The following GATAD2B variants were observed in gnomAD, a reference collection of about 807,000 sequenced individuals.
The protein encoded by GATAD2B is GATA zinc finger domain containing 2B.
GATAD2B carries 8 observed loss-of-function variants against 64.3 expected under a neutral mutation model. The ratio of observed to expected loss-of-function variants is 0.12; its 90% CI spans 0.07 to 0.22. The LOEUF (loss-of-function observed/expected upper bound fraction) is 0.22, where lower values mean the gene tolerates loss of function less well. GATAD2B is among the 10% of genes least tolerant of loss of function. The pLI, the probability that GATAD2B is intolerant of heterozygous loss-of-function variation, is 1.00. For missense variants in GATAD2B, 453 were observed against 752.0 expected (o/e 0.60, Z 4.65); for synonymous variants, 281 against 271.3 (o/e 1.04, Z -0.35).
intron 7 of GATAD2B, among the ~76,000 whole-genome samples, chr1:153,815,685 G>C (rs1674454972): frequency 6.6e-6 from 1 of 152,086 alleles, no homozygotes; most frequent in Admixed American, 6.6e-5. Context: ...ATAGATGATA[G>C]ATTAGATAGA....
At chr1:153,870,745 G>A (rs957773287) in intron 1 of GATAD2B, among the ~76,000 whole-genome samples, 2 of 152,078 alleles carry the variant, frequency 1.3e-5, no homozygotes, top group African/African-American at 4.8e-5. Flanking sequence ...TTAGGCTTGA[G>A]TCTCACCCCC....
chr1:153,832,194 G>A (rs986025455), intron 1 of GATAD2B, among the ~76,000 whole-genome samples: 4 of 150,412 alleles, frequency 2.7e-5, no homozygotes, highest in South Asian at 2.1e-4. Flanking sequence ...CAGCCTAGGC[G>A]ACAAGAGCAA....
chr1:153,814,617 A>G (rs1294043369), intron 7 of GATAD2B, among the ~76,000 whole-genome samples: 1 of 152,190 alleles, frequency 6.6e-6, no homozygotes, highest in East Asian at 1.9e-4. Flanking sequence ...TACTAAAAAC[A>G]GAAATAATTA....
intron 1 of GATAD2B, among the ~76,000 whole-genome samples, chr1:153,904,593 G>A (rs1677871000): frequency 1.3e-5 from 2 of 152,142 alleles, no homozygotes; most frequent in South Asian, 4.1e-4. Flanking sequence ...TCAGGCTGGA[G>A]TAGAGTGGCA....
chr1:153,828,402 T>A (rs1392633049), intron 1 of GATAD2B, 54 bp from the exon 2 acceptor site: 1 of 1,366,846 alleles, frequency 7.3e-7, no homozygotes, highest in Admixed American at 2.0e-5. Context: ...AAATAGTCCA[T>A]TTTTAAAAAG....
At position 153,819,726 on chromosome 1, in the gene GATAD2B, C is replaced by T. The variant is rs1412628322; in HGVS notation, c.345G>A (p.Glu115=). Residue 115 remains glutamate (E), a synonymous_variant, in exon 3 of 11, where the codon GAG becomes GAA. Coordinates refer to ENST00000368655, the MANE Select transcript of GATAD2B (RefSeq NM_020699.4). The stretch of plus-strand genomic sequence containing the variant: ...CTGGTGAGGGAGTTAGCCTTCCTCG[C>T]TCTGGCTCACTAGACAAGAAAGGGA... ...VDMSARRSEP[E]RGRLTPSPDI... 1.9e-6 allele frequency: 3 copies of T among 1,599,012 alleles called. No individual in the cohort carries two copies. Among genetic ancestry groups the T allele is most frequent in the Non-Finnish European group, 2.6e-6 (3 of 1,174,708 alleles).
intron 2 of GATAD2B, among the ~76,000 whole-genome samples, chr1:153,820,161 AGAAG>A (rs902644225): frequency 3.9e-5 from 6 of 152,154 alleles, no homozygotes; most frequent in Admixed American, 2.0e-4. Context: ...AGTACACAAA[AGAAG>A]GAAGTATTAA....
chr1:153,822,823 T>C (rs1674730693), intron 2 of GATAD2B, among the ~76,000 whole-genome samples: 1 of 152,140 alleles, frequency 6.6e-6, no homozygotes, highest in Non-Finnish European at 1.5e-5. Context: ...TTTTTTCTTT[T>C]GTTTTTTGAG....
intron 1 of GATAD2B, among the ~76,000 whole-genome samples, chr1:153,902,262 CAA>C (rs1677802641): frequency 6.7e-6 from 1 of 150,296 alleles, no homozygotes; most frequent in African/African-American, 2.5e-5. Context: ...GCCTGGGCAA[CAA>C]GAGCGAAACT....
intron 1 of GATAD2B, among the ~76,000 whole-genome samples, chr1:153,872,186 G>GC (rs1307821980): frequency 1.3e-4 from 20 of 151,514 alleles, no homozygotes; most frequent in Non-Finnish European, 1.6e-4. Flanking sequence ...GGGTGTGGTA[G>GC]CGTGTGCCTG....
At chr1:153,815,280 C>CAAAAAAAAAAAAAA (rs1159204191) in intron 7 of GATAD2B, among the ~76,000 whole-genome samples, 21 of 66,590 alleles carry the variant, frequency 3.2e-4, no homozygotes, top group Admixed American at 6.1e-4. Context: ...CTCAAAAAAA[C>CAAAAAAAAAAAAAA]AAAAAAAAAA....
intron 1 of GATAD2B, among the ~76,000 whole-genome samples, chr1:153,847,361 A>G (rs991005144): frequency 5.9e-5 from 9 of 152,156 alleles, no homozygotes; most frequent in African/African-American, 1.7e-4. Flanking sequence ...CTGAGAAACT[A>G]GACACACTTC....
intron 1 of GATAD2B, among the ~76,000 whole-genome samples, chr1:153,898,421 G>A (rs1392932010): frequency 6.6e-6 from 1 of 152,038 alleles, no homozygotes; most frequent in Non-Finnish European, 1.5e-5. Flanking sequence ...AGCTCTGGCA[G>A]GTATTTAAAA....
At chr1:153,853,062 T>A in intron 1 of GATAD2B, 1 of 1,509,572 alleles carries the variant, frequency 6.6e-7, no homozygotes, top group Non-Finnish European at 9.2e-7. Flanking sequence ...CGTCACAGCA[T>A]CTTTTGCCCC....
chr1:153,852,070 C>T (rs1216136208), intron 1 of GATAD2B: 4 of 533,668 alleles, frequency 7.5e-6, no homozygotes, highest in East Asian at 3.1e-5. Context: ...ACTGGCTGGC[C>T]GCATCATTCA....
rs552131554 is a variant in GATAD2B at position 153,889,875 on chromosome 1, T to C, written c.-2+32858A>G. 3.6e-4 allele frequency among the ~76,000 whole-genome samples: 55 copies of C among 152,140 alleles called. No individual in the cohort carries two copies. The South Asian group carries it at 9.1e-3, about 25-fold the overall frequency. On this transcript the variant is annotated intron_variant, in intron 1 of 10. Coordinates refer to ENST00000368655, the MANE Select transcript of GATAD2B (RefSeq NM_020699.4). ...AATTTACAAACATCTACATTATCAA[T>C]AGAAAGATAAGAGGCCAGTGGGGCG...
At chr1:153,810,412 A>T in intron 10 of GATAD2B, 102 bp from the exon 11 acceptor site, 1 of 1,125,468 alleles carries the variant, frequency 8.9e-7, no homozygotes, top group Non-Finnish European at 1.3e-6. Flanking sequence ...GAAAGGAAGC[A>T]GAATTTACCA....
chr1:153,834,458 G>A (rs759256353), intron 1 of GATAD2B, among the ~76,000 whole-genome samples: 37 of 151,888 alleles, frequency 2.4e-4, no homozygotes, highest in Admixed American at 3.9e-4. Context: ...GCAATGGTGC[G>A]ATCTCAGCTC....
intron 1 of GATAD2B, among the ~76,000 whole-genome samples, chr1:153,834,860 C>T (rs1675214120): frequency 6.6e-6 from 1 of 152,060 alleles, no homozygotes; most frequent in South Asian, 2.1e-4. Flanking sequence ...GATCCCAGCA[C>T]TGTAATCCCA....
Sources: gnomAD v4.1 joint callset for allele counts (sites outside exome capture counted in the v4.1 genomes callset) on GRCh38, gnomAD v4.1.1 for gene constraint, MANE v1.5 for transcripts, NCBI Gene and HGNC (gene_info 2026-07-23, HGNC 2026-07-21) for gene names.